The following CMTM3 variants were observed in gnomAD, a reference collection of about 807,000 sequenced individuals.
The protein encoded by CMTM3 is CKLF-like MARVEL transmembrane domain-containing protein 3.
In CMTM3, 7 loss-of-function variants were observed where a neutral mutation model predicts 18.2. That is an observed-to-expected ratio of 0.38 (90% confidence interval 0.22 to 0.72). CMTM3 has a LOEUF of 0.72. Ranked by LOEUF, CMTM3 falls within the 30% of genes least tolerant of loss-of-function variation. The probability of loss-of-function intolerance (pLI) is 0.46; values close to 1 mark genes in which losing one functional copy is unlikely to be tolerated. For missense variants in CMTM3, 227 were observed against 249.2 expected (o/e 0.91, Z 0.60); for synonymous variants, 109 against 111.2 (o/e 0.98, Z 0.12).
Position 66,612,671 on chromosome 16 carries a change from A to G in CMTM3, c.*34A>G. ...CGGGTGCCTTGGCAACCTGAGCCAC[A>G]CAGGCCTCCACCCCTGCGCCTCACA... On this transcript the variant is annotated 3_prime_UTR_variant, in exon 5 of 5. Transcript: ENST00000567572. The surrounding 1 kb of genome is among the most constrained non-coding windows in gnomAD (Gnocchi z 6.0). 1.2e-6 allele frequency: 2 copies of G among 1,610,228 alleles called. No homozygotes were observed. The highest frequency in any genetic ancestry group is 1.1e-5 in the South Asian group (1 of 90,786).
At chr16:66,611,792 G>A (rs1416840947) in intron 4 of CMTM3, among the ~76,000 whole-genome samples, 1 of 152,132 alleles carries the variant, frequency 6.6e-6, no homozygotes, top group Non-Finnish European at 1.5e-5. Flanking sequence ...CTCATAGGCA[G>A]GCCCTTACCA....
At chr16:66,604,556 G>A, upstream of CMTM3, 1 of 313,708 alleles carries the variant, frequency 3.2e-6, no homozygotes. Context: ...GAAGAAGAAG[G>A]TGGAGTCTGC....
At position 66,613,721 on chromosome 16, in the gene CMTM3, G is replaced by A. The variant is rs530085313; in HGVS notation, c.*1084G>A. 3 of 152,538 alleles carry A rather than the reference G, an allele frequency of 2.0e-5. No homozygotes were observed. Among genetic ancestry groups the A allele is most frequent in the African/African-American group, 7.2e-5 (3 of 41,556 alleles). The allele number at this position is 152,538 out of a possible 1,614,324, so 9.4% of individuals were successfully genotyped here. A position where few individuals can be genotyped will look rare whatever the true frequency, so the allele number is the denominator to read the frequency against. On this transcript the variant is annotated 3_prime_UTR_variant, in exon 5 of 5. Transcript: ENST00000567572. ...TGTGAATCTCTTACCCTGAAAAAAA[G>A]CCATAATGAATTAAGCCAGACTGAC...
chr16:66,606,448 TC>T (rs2015156584), intron 1 of CMTM3, among the ~76,000 whole-genome samples: 1 of 152,054 alleles, frequency 6.6e-6, no homozygotes, highest in South Asian at 2.1e-4. Flanking sequence ...AGTCTATCTT[TC>T]CAAAGGGGGC....
In CMTM3 at chr16:66,609,474, G is replaced by A. The variant is rs2015288944; in HGVS notation, c.343G>A (p.Ala115Thr). Residue 115 changes from alanine (A) to threonine (T), a missense_variant, in exon 3 of 5, where the codon GCT becomes ACT. Transcript: ENST00000567572. The surrounding 1 kb of genome is among the most constrained non-coding windows in gnomAD (Gnocchi z 4.4). ...TGTCACCGCGGCCCTCATCTACTTT[G>A]CTATCTCCATCACGGCCATCGCCAA... ...RCVTAALIYF[A>T]ISITAIAKYS... 2 of 1,612,826 alleles carry A rather than the reference G, an allele frequency of 1.2e-6. No homozygotes were observed. Among genetic ancestry groups the A allele is most frequent in the Non-Finnish European group, 1.7e-6 (2 of 1,179,560 alleles).
chr16:66,611,350 G>A (rs1032277253), intron 4 of CMTM3, among the ~76,000 whole-genome samples: 6 of 152,274 alleles, frequency 3.9e-5, no homozygotes, highest in Admixed American at 2.0e-4. Context: ...CTACTTGGGA[G>A]GCTGAGGCAG....
At chr16:66,606,902 G>A (rs1197886850) in intron 1 of CMTM3, among the ~76,000 whole-genome samples, 1 of 152,238 alleles carries the variant, frequency 6.6e-6, no homozygotes, top group African/African-American at 2.4e-5. Flanking sequence ...GCTGAGGCAG[G>A]AGAATCACTT....
Position 66,609,359 on chromosome 16 carries a change from G to C in CMTM3, c.304-76G>C, listed in dbSNP as rs774090424. 2 of 1,333,358 alleles carry C rather than the reference G, an allele frequency of 1.5e-6. No individual in the cohort carries two copies. The highest frequency in any genetic ancestry group is 1.2e-5 in the South Asian group (1 of 80,862). 82.6% of individuals were successfully genotyped at this position (1,333,358 alleles called of 1,614,324 possible). ...GTGCTAGGCCTGGGGCTGGGAACAC[G>C]ACCAGGCTGCCAGGCCTCCTCCCCA... On this transcript the variant is annotated intron_variant, in intron 2 of 4. Coordinates refer to ENST00000567572, the MANE Select transcript of CMTM3 (RefSeq NM_181553.4). This position sits in a 1 kb window ranked among gnomAD's most constrained non-coding sequence, Gnocchi z 4.4.
rs989225428 is a variant in CMTM3 at position 66,613,388 on chromosome 16, C to T, written c.*751C>T. On this transcript the variant is annotated 3_prime_UTR_variant, in exon 5 of 5. Transcript: ENST00000567572. ...AGTGACAGTGTCATGGGGAGCTGGG[C>T]GGGCCCAGCCAAACCCTCCTTCTTC... 2.6e-5 allele frequency: 11 copies of T among 428,638 alleles called. No homozygotes were observed. Among genetic ancestry groups the T allele is most frequent in the East Asian group, 1.5e-4 (4 of 26,760 alleles). The allele number at this position is 428,638 out of a possible 1,614,324, so 26.6% of individuals were successfully genotyped here. A position where few individuals can be genotyped will look rare whatever the true frequency, so the allele number is the denominator to read the frequency against.
At position 66,613,110 on chromosome 16, in the gene CMTM3, T is replaced by A. The variant is rs751923493; in HGVS notation, c.*473T>A. On this transcript the variant is annotated 3_prime_UTR_variant, in exon 5 of 5. Transcript: ENST00000567572. ...TGGTGCTCCTGCCCACACCAGCCAC[T>A]TTGGTGACAATGACCCTTCCAAGAA... 1.6e-4 allele frequency: 111 copies of A among 702,932 alleles called. 1 individual carries two copies. In the South Asian group the frequency reaches 1.6e-3, roughly 10 times the overall value. The allele number at this position is 702,932 out of a possible 1,614,324, so 43.5% of individuals were successfully genotyped here.
At position 66,609,943 on chromosome 16, in the gene CMTM3, G is replaced by C. The variant is rs777705777; in HGVS notation, c.460G>C (p.Val154Leu). 1 of 1,614,104 alleles carries C rather than the reference G, an allele frequency of 6.2e-7. No individual in the cohort carries two copies. The highest frequency in any genetic ancestry group is 8.5e-7 in the Non-Finnish European group (1 of 1,180,026). The change falls in exon 4 of 5, where the codon GTG becomes CTG. Residue 154 changes from valine to leucine, a missense_variant. Physicochemically the swap from Val to Leu is conservative, Grantham distance 32. Transcript: ENST00000567572. The surrounding 1 kb of genome is among the most constrained non-coding windows in gnomAD (Gnocchi z 4.4). ...TGATTTCTACCTGATCTTTAACGACGTGGCCAAATTCCTCAAACAAGGGGA... is the reference window on the plus strand; with the variant it reads ...TGATTTCTACCTGATCTTTAACGACCTGGCCAAATTCCTCAAACAAGGGGA... ...ATDFYLIFNDVAKFLKQGDSA... is the reference protein window; with the variant it reads ...ATDFYLIFNDLAKFLKQGDSA...
chr16:66,611,759 T>A (rs2015385325), intron 4 of CMTM3, among the ~76,000 whole-genome samples: 1 of 152,002 alleles, frequency 6.6e-6, no homozygotes, highest in South Asian at 2.1e-4. Flanking sequence ...AGAACTGGGA[T>A]TTCAGGAACC....
Position 66,609,905 on chromosome 16 carries a change from T to C in CMTM3, c.422T>C (p.Ile141Thr), listed in dbSNP as rs375432807. 62 of 1,614,020 alleles carry C rather than the reference T, an allele frequency of 3.8e-5. No individual in the cohort carries two copies. The highest frequency in any genetic ancestry group is 4.6e-5 in the Non-Finnish European group (54 of 1,180,026). Residue 141 changes from isoleucine to threonine, a missense_variant, in exon 4 of 5, where the codon ATC (isoleucine) becomes ACC (threonine). By Grantham distance (89) the Ile-to-Thr change is moderately conservative. Coordinates refer to ENST00000567572, the MANE Select transcript of CMTM3 (RefSeq NM_181553.4). The surrounding 1 kb of genome is among the most constrained non-coding windows in gnomAD (Gnocchi z 4.4). ...AAGVFGFFAT[I>T]VFATDFYLIF... ...CAGGTGTTTGGCTTCTTTGCTACCATCGTGTTTGCAACTGATTTCTACCTG... is the reference window on the plus strand; with the variant it reads ...CAGGTGTTTGGCTTCTTTGCTACCACCGTGTTTGCAACTGATTTCTACCTG...
chr16:66,610,982 A>C lies in CMTM3; in HGVS notation c.520+979A>C, dbSNP rs1263741695. 1 of 398,262 alleles carries C rather than the reference A, an allele frequency of 2.5e-6. No individual in the cohort carries two copies. Among genetic ancestry groups the C allele is most frequent in the East Asian group, 3.6e-5 (1 of 28,080 alleles). The allele number at this position is 398,262 out of a possible 1,614,324, so 24.7% of individuals were successfully genotyped here. Reference sequence around the variant, plus strand: ...CCCAGGCGGTTTCCTCAGGCTCTGCAACCTGCTCCCAGTTGCCCGCAGCAA... The same window carrying C: ...CCCAGGCGGTTTCCTCAGGCTCTGCCACCTGCTCCCAGTTGCCCGCAGCAA... On this transcript the variant is annotated intron_variant, in intron 4 of 4. Transcript: ENST00000567572. The surrounding 1 kb of genome is among the most constrained non-coding windows in gnomAD (Gnocchi z 4.6).
At position 66,610,930 on chromosome 16, in the gene CMTM3, T is replaced by C; in HGVS notation, c.520+927T>C. 1 of 398,516 alleles carries C rather than the reference T, an allele frequency of 2.5e-6. No homozygotes were observed. Among genetic ancestry groups the C allele is most frequent in the African/African-American group, 2.1e-5 (1 of 48,728 alleles). 24.7% of individuals were successfully genotyped at this position (398,516 alleles called of 1,614,324 possible). On this transcript the variant is annotated intron_variant, in intron 4 of 4. Coordinates refer to ENST00000567572, the MANE Select transcript of CMTM3 (RefSeq NM_181553.4). This position sits in a 1 kb window ranked among gnomAD's most constrained non-coding sequence, Gnocchi z 4.6. ...AATGAATGCCACTCATCCCATCCCG[T>C]CCCTTGGCAAATATTAGGTTAGAGC...
At chr16:66,607,642 G>A (rs1377907493) in intron 1 of CMTM3, among the ~76,000 whole-genome samples, 2 of 152,102 alleles carry the variant, frequency 1.3e-5, no homozygotes, top group Non-Finnish European at 2.9e-5. Flanking sequence ...TTGGTGTTGG[G>A]TGTTACTTTT....
At position 66,609,649 on chromosome 16, in the gene CMTM3, CGAT is replaced by C; in HGVS notation, c.399+126_399+128del. On this transcript the variant is annotated intron_variant, in intron 3 of 4. Transcript: ENST00000567572. The surrounding 1 kb of genome is among the most constrained non-coding windows in gnomAD (Gnocchi z 4.4). The stretch of plus-strand genomic sequence containing the variant: ...CCCCCCTGGGGTCTCATGTGGGTCC[CGAT>C]GATGATTCCAAAGTCCTCTCATTAA... 4 of 1,518,610 alleles carry C rather than the reference CGAT, an allele frequency of 2.6e-6. No homozygotes were observed. Among genetic ancestry groups the C allele is most frequent in the South Asian group, 1.2e-5 (1 of 83,248 alleles). The allele number at this position is 1,518,610 out of a possible 1,614,324, so 94.1% of individuals were successfully genotyped here.
At position 66,608,451 on chromosome 16, in the gene CMTM3, G is replaced by A; in HGVS notation, c.290G>A (p.Cys97Tyr). ...MQLNDKWQGL[C>Y]WPMMDFLRCV... ...CTGAATGACAAGTGGCAGGGCTTGT[G>A]CTGGCCCATGATGGTGAGGACAGGG... Residue 97 changes from cysteine (C) to tyrosine (Y), a missense_variant, in exon 2 of 5, where the codon TGC becomes TAC. Physicochemically the swap from Cys to Tyr is radical, Grantham distance 194. Coordinates refer to ENST00000567572, the MANE Select transcript of CMTM3 (RefSeq NM_181553.4). The surrounding 1 kb of genome is among the most constrained non-coding windows in gnomAD (Gnocchi z 5.1). 6.2e-7 allele frequency: 1 copy of A among 1,613,944 alleles called. No homozygotes were observed. Among genetic ancestry groups the A allele is most frequent in the Non-Finnish European group, 8.5e-7 (1 of 1,180,032 alleles).
chr16:66,609,502 A>C lies in CMTM3; in HGVS notation c.371A>C (p.Tyr124Ser), dbSNP rs748151460. 6.2e-7 allele frequency: 1 copy of C among 1,608,374 alleles called. No individual in the cohort carries two copies. Among genetic ancestry groups the C allele is most frequent in the East Asian group, 2.2e-5 (1 of 44,794 alleles). The stretch of plus-strand genomic sequence containing the variant: ...ATCTCCATCACGGCCATCGCCAAGT[A>C]CTCGGATGGGGCTTCCAAAGCCGCT... The part of the protein sequence containing the change: ...FAISITAIAK[Y>S]SDGASKAAGV... The change falls in exon 3 of 5, where the codon TAC becomes TCC. Residue 124 changes from tyrosine to serine, a missense_variant. Coordinates refer to ENST00000567572, the MANE Select transcript of CMTM3 (RefSeq NM_181553.4). This position sits in a 1 kb window ranked among gnomAD's most constrained non-coding sequence, Gnocchi z 4.4.
Sources: gnomAD v4.1 joint callset for allele counts (sites outside exome capture counted in the v4.1 genomes callset) on GRCh38, gnomAD v4.1.1 for gene constraint, Gnocchi (gnomAD v3.1) non-coding constraint, MANE v1.5 for transcripts, NCBI Gene and HGNC (gene_info 2026-07-23, HGNC 2026-07-21) for gene names.